The following GPX8 variants were observed in gnomAD, a reference collection of about 807,000 sequenced individuals.
GPX8 encodes the protein protein peroxidase GPX8.
A neutral mutation model predicts 17.8 loss-of-function variants in GPX8; 12 were observed. The ratio of observed to expected loss-of-function variants is 0.67; its 90% confidence interval spans 0.43 to 1.09. The LOEUF (loss-of-function observed/expected upper bound fraction) is 1.09. Among genes scored for constraint, GPX8 ranks in the 50% least tolerant of loss-of-function variants. GPX8 has a pLI of 0.00. For synonymous variants in GPX8, 86 were observed against 88.1 expected, an observed-to-expected ratio of 0.98 and a Z score of 0.14; for missense variants, 209 against 235.6, an observed-to-expected ratio of 0.89 and a Z score of 0.74.
intron 2 of GPX8, among the ~76,000 whole-genome samples, chr5:55,162,379 A>G (rs1220541265): frequency 6.6e-6 from 1 of 152,198 alleles, no homozygotes; most frequent in Non-Finnish European, 1.5e-5. Context: ...TGGGCGACAG[A>G]GCAAGCCTGC....
rs1234831653 is a variant in GPX8, at chr5:55,160,249, T to C, written c.57T>C (p.Phe19=). The C allele has an allele frequency of 6.2e-7, 1 of 1,614,110 alleles. No individual in the cohort carries two copies. The highest frequency in any genetic ancestry group is 8.5e-7 in the Non-Finnish European group (1 of 1,179,920). Reference sequence around the variant, plus strand: ...GTTCCGGGCCCAGAGCAAAGGTATTTGCAGTTTTGCTGTCTATAGTTCTAT... The same window carrying C: ...GTTCCGGGCCCAGAGCAAAGGTATTCGCAGTTTTGCTGTCTATAGTTCTAT... ...LKCSGPRAKV[F]AVLLSIVLCT... The change falls in exon 1 of 3, where the codon TTT becomes TTC. Residue 19 remains phenylalanine (F), a synonymous_variant. Transcript: ENST00000503787.
rs553421882 is a variant in GPX8 at position 55,166,333 on chromosome 5, G to C, written c.*2115G>C. 1 of 152,250 alleles carries C rather than the reference G, an allele frequency of 6.6e-6. No individual in the cohort carries two copies. The highest frequency in any genetic ancestry group is 2.4e-5 in the African/African-American group (1 of 41,464). The allele number at this position is 152,250 out of a possible 1,614,324, so 9.4% of individuals were successfully genotyped here. On this transcript the variant is annotated 3_prime_UTR_variant, in exon 3 of 3. Transcript: ENST00000503787. Reference sequence around the variant, plus strand: ...CTCTCTCCAAAGCCAGATAAAGTGGGTTTCTTCACTTACATCTCTCTAATC... The same window carrying C: ...CTCTCTCCAAAGCCAGATAAAGTGGCTTTCTTCACTTACATCTCTCTAATC...
Position 55,164,049 on chromosome 5 carries a change from T to C in GPX8, c.467-6T>C. On this transcript the variant is annotated splice_polypyrimidine_tract_variant and splice_region_variant and intron_variant, in intron 2 of 2. Transcript: ENST00000503787. Reference sequence around the variant, plus strand: ...TGCTCATGAAAATATGTTCTGGATATTTTAGATTCTTCAAAGAAGGAACCA... The same window carrying C: ...TGCTCATGAAAATATGTTCTGGATACTTTAGATTCTTCAAAGAAGGAACCA... The C allele has an allele frequency of 1.9e-6, 3 of 1,559,210 alleles. No homozygotes were observed. The highest frequency in any genetic ancestry group is 2.4e-5 in the South Asian group (2 of 83,578).
chr5:55,166,254 C>G lies in GPX8; in HGVS notation c.*2036C>G, dbSNP rs571149771. 6.6e-6 allele frequency: 1 copy of G among 152,400 alleles called. No individual in the cohort carries two copies. The highest frequency in any genetic ancestry group is 1.9e-4 in the East Asian group (1 of 5,180). The allele number at this position is 152,400 out of a possible 1,614,324, so 9.4% of individuals were successfully genotyped here. On this transcript the variant is annotated 3_prime_UTR_variant, in exon 3 of 3. Transcript: ENST00000503787. Reference sequence around the variant, plus strand: ...ATAATGGAGCTGCACTGGGAACAACCAGGACTGTCCCAGTCAACATGATAC... The same window carrying G: ...ATAATGGAGCTGCACTGGGAACAACGAGGACTGTCCCAGTCAACATGATAC...
intron 2 of GPX8, among the ~76,000 whole-genome samples, chr5:55,162,733 C>A (rs1230449398): frequency 6.6e-6 from 1 of 152,240 alleles, no homozygotes; most frequent in Non-Finnish European, 1.5e-5. Context: ...ACTAATCATT[C>A]TTCAGTTACA....
Position 55,164,043 on chromosome 5 carries a change from T to C in GPX8, c.467-12T>C, listed in dbSNP as rs1406183930. 1 of 1,544,976 alleles carries C rather than the reference T, an allele frequency of 6.5e-7. No homozygotes were observed. The highest frequency in any genetic ancestry group is 8.8e-7 in the Non-Finnish European group (1 of 1,137,902). On this transcript the variant is annotated splice_polypyrimidine_tract_variant and intron_variant, in intron 2 of 2. Coordinates refer to ENST00000503787, the MANE Select transcript of GPX8 (RefSeq NM_001008397.4). The stretch of plus-strand genomic sequence containing the variant: ...AAATTATGCTCATGAAAATATGTTC[T>C]GGATATTTTAGATTCTTCAAAGAAG...
Position 55,162,517 on chromosome 5 carries a change from A to G in GPX8, c.466+1262A>G, listed in dbSNP as rs901878765. Among the ~76,000 whole-genome samples the G allele has an allele frequency of 6.6e-5, 10 of 152,260 alleles. No homozygotes were observed. The East Asian group carries it at 1.7e-3, about 26-fold the overall frequency. ...ATCAAACTATTACCTCACTCAGGCA[A>G]TCAAGCTTCTAATCCAACAAACCAA... On this transcript the variant is annotated intron_variant, in intron 2 of 2. Coordinates refer to ENST00000503787, the MANE Select transcript of GPX8 (RefSeq NM_001008397.4).
chr5:55,160,370 G>A lies in GPX8; in HGVS notation c.178G>A (p.Val60Ile), dbSNP rs1474989214. Residue 60 changes from valine (V) to isoleucine (I), a missense_variant, in exon 1 of 3, where the codon GTT becomes ATT. Physicochemically the swap from Val to Ile is conservative, Grantham distance 29 (BLOSUM62 3). Coordinates refer to ENST00000503787, the MANE Select transcript of GPX8 (RefSeq NM_001008397.4). The stretch of plus-strand genomic sequence containing the variant: ...AGTGAAGGATGCAAAAGGAAGAACT[G>A]TTTCTCTGGAAAAGTATAAAGGCAA... ...FEVKDAKGRT[V>I]SLEKYKGKVS... 6.2e-7 allele frequency: 1 copy of A among 1,612,648 alleles called. No homozygotes were observed. Among genetic ancestry groups the A allele is most frequent in the Non-Finnish European group, 8.5e-7 (1 of 1,179,830 alleles).
At position 55,165,787 on chromosome 5, in the gene GPX8, CACTT is replaced by C. The variant is rs1744349757; in HGVS notation, c.*1571_*1574del. ...GCCAGCTGCGTGACTTTAGGCAAGT[CACTT>C]AAGTACCTTATTTCAGTTTCCTCAC... On this transcript the variant is annotated 3_prime_UTR_variant, in exon 3 of 3. Transcript: ENST00000503787. The C allele has an allele frequency of 6.6e-6, 1 of 152,210 alleles. No homozygotes were observed. Among genetic ancestry groups the C allele is most frequent in the African/African-American group, 2.4e-5 (1 of 41,458 alleles). 9.4% of individuals were successfully genotyped at this position (152,210 alleles called of 1,614,324 possible). A position where few individuals can be genotyped will look rare whatever the true frequency, so the allele number is the denominator to read the frequency against.
rs531513804 is a variant in GPX8, at chr5:55,166,211, C to G, written c.*1993C>G. 1 of 152,450 alleles carries G rather than the reference C, an allele frequency of 6.6e-6. No homozygotes were observed. The highest frequency in any genetic ancestry group is 1.5e-5 in the Non-Finnish European group (1 of 68,142). The allele number at this position is 152,450 out of a possible 1,614,324, so 9.4% of individuals were successfully genotyped here. On this transcript the variant is annotated 3_prime_UTR_variant, in exon 3 of 3. Transcript: ENST00000503787. Reference sequence around the variant, plus strand: ...AGCACCACATGGGCAGCAGAGACTCCCCACTGCCAGATGGATGATAATGGA... The same window carrying G: ...AGCACCACATGGGCAGCAGAGACTCGCCACTGCCAGATGGATGATAATGGA...
At position 55,164,221 on chromosome 5, in the gene GPX8, ATGCCAT is replaced by A; in HGVS notation, c.*7_*12del. The stretch of plus-strand genomic sequence containing the variant: ...TAAAAAAGAAAGAGGATCTATGAGA[ATGCCAT>A]TGCGTTTCTAATAGAACAGAGAAAT... On this transcript the variant is annotated 3_prime_UTR_variant, in exon 3 of 3. Coordinates refer to ENST00000503787, the MANE Select transcript of GPX8 (RefSeq NM_001008397.4). The A allele has an allele frequency of 6.5e-7, 1 of 1,527,194 alleles. No homozygotes were observed. Among genetic ancestry groups the A allele is most frequent in the African/African-American group, 1.4e-5 (1 of 72,312 alleles). The allele number at this position is 1,527,194 out of a possible 1,614,324, so 94.6% of individuals were successfully genotyped here. A position where few individuals can be genotyped will look rare whatever the true frequency, so the allele number is the denominator to read the frequency against.
chr5:55,161,095 C>CGT lies in GPX8; in HGVS notation c.309_310dup (p.Leu104CysfsTer20), dbSNP rs1561302976. The CGT allele has an allele frequency of 6.2e-7, 1 of 1,614,156 alleles. No homozygotes were observed. The highest frequency in any genetic ancestry group is 1.1e-5 in the South Asian group (1 of 91,076). On this transcript the variant is annotated frameshift_variant, in exon 2 of 3. Transcript: ENST00000503787. LOFTEE classifies it high-confidence loss of function. ...AAGAGTTTGGACCATCCCACTTCAG[C>CGT]GTGTTGGCTTTTCCCTGCAATCAGT...
Position 55,164,342 on chromosome 5 carries a change from T to A in GPX8, c.*124T>A. The A allele has an allele frequency of 2.6e-5, 14 of 540,322 alleles. No homozygotes were observed. The highest frequency in any genetic ancestry group is 3.8e-5 in the Non-Finnish European group (13 of 346,264). 33.5% of individuals were successfully genotyped at this position (540,322 alleles called of 1,614,324 possible). A position where few individuals can be genotyped will look rare whatever the true frequency, so the allele number is the denominator to read the frequency against. On this transcript the variant is annotated 3_prime_UTR_variant, in exon 3 of 3. Coordinates refer to ENST00000503787, the MANE Select transcript of GPX8 (RefSeq NM_001008397.4). Reference sequence around the variant, plus strand: ...ACCCAGGCTGGAGTGCAGTAGTGCGTTCTCAGCTCATTGCAACCTCTGCCT... The same window carrying A: ...ACCCAGGCTGGAGTGCAGTAGTGCGATCTCAGCTCATTGCAACCTCTGCCT...
At position 55,165,731 on chromosome 5, in the gene GPX8, G is replaced by A. The variant is rs1744346304; in HGVS notation, c.*1513G>A. ...AGGGATAGCCTCAAGAATGCCAGAT[G>A]AGTGTGTCAGAAAGCCTGCTCCTAC... On this transcript the variant is annotated 3_prime_UTR_variant, in exon 3 of 3. Coordinates refer to ENST00000503787, the MANE Select transcript of GPX8 (RefSeq NM_001008397.4). 1 of 152,250 alleles carries A rather than the reference G, an allele frequency of 6.6e-6. No individual in the cohort carries two copies. The highest frequency in any genetic ancestry group is 1.5e-5 in the Non-Finnish European group (1 of 68,044). The allele number at this position is 152,250 out of a possible 1,614,324, so 9.4% of individuals were successfully genotyped here.
In GPX8 at chr5:55,164,480, G is replaced by A; in HGVS notation, c.*262G>A. Reference sequence around the variant, plus strand: ...GGATGTTACCCAAAGCAAAAATCAAGAGTAGCCAAAGAATCAACATGAAAT... The same window carrying A: ...GGATGTTACCCAAAGCAAAAATCAAAAGTAGCCAAAGAATCAACATGAAAT... On this transcript the variant is annotated 3_prime_UTR_variant, in exon 3 of 3. Coordinates refer to ENST00000503787, the MANE Select transcript of GPX8 (RefSeq NM_001008397.4). 1 of 243,082 alleles carries A rather than the reference G, an allele frequency of 4.1e-6. No individual in the cohort carries two copies. Among genetic ancestry groups the A allele is most frequent in the Non-Finnish European group, 7.8e-6 (1 of 128,128 alleles). 15.1% of individuals were successfully genotyped at this position (243,082 alleles called of 1,614,324 possible).
Position 55,165,832 on chromosome 5 carries a change from G to C in GPX8, c.*1614G>C, listed in dbSNP as rs1744353943. The stretch of plus-strand genomic sequence containing the variant: ...GTTTCCTCACCTGTAAATTGAACAG[G>C]GGTTGAATGGAATAAAAAGCCCTTT... On this transcript the variant is annotated 3_prime_UTR_variant, in exon 3 of 3. Coordinates refer to ENST00000503787, the MANE Select transcript of GPX8 (RefSeq NM_001008397.4). 6.6e-6 allele frequency: 1 copy of C among 152,138 alleles called. No homozygotes were observed. Among genetic ancestry groups the C allele is most frequent in the African/African-American group, 2.4e-5 (1 of 41,424 alleles). The allele number at this position is 152,138 out of a possible 1,614,324, so 9.4% of individuals were successfully genotyped here. A position where few individuals can be genotyped will look rare whatever the true frequency, so the allele number is the denominator to read the frequency against.
Position 55,161,069 on chromosome 5 carries a change from A to C in GPX8, c.280A>C (p.Lys94Gln), listed in dbSNP as rs1193920775. Residue 94 changes from lysine to glutamine, a missense_variant, in exon 2 of 3, where the codon AAA (lysine) becomes CAA (glutamine). Transcript: ENST00000503787. ...TTACTTAGGGCTGAAGGAACTGCAC[A>C]AAGAGTTTGGACCATCCCACTTCAG... Reference protein sequence around the residue: ...RNYLGLKELHKEFGPSHFSVL... With the variant: ...RNYLGLKELHQEFGPSHFSVL... The C allele has an allele frequency of 1.2e-6, 2 of 1,614,184 alleles. No homozygotes were observed. The highest frequency in any genetic ancestry group is 1.7e-6 in the Non-Finnish European group (2 of 1,180,010).
In GPX8 at chr5:55,160,239, C is replaced by T. The variant is rs201473174; in HGVS notation, c.47C>T (p.Ala16Val). The change falls in exon 1 of 3, where the codon GCA becomes GTA. Residue 16 changes from alanine to valine, a missense_variant. Coordinates refer to ENST00000503787, the MANE Select transcript of GPX8 (RefSeq NM_001008397.4). Reference sequence around the variant, plus strand: ...CCGCTAAAATGTTCCGGGCCCAGAGCAAAGGTATTTGCAGTTTTGCTGTCT... The same window carrying T: ...CCGCTAAAATGTTCCGGGCCCAGAGTAAAGGTATTTGCAGTTTTGCTGTCT... Reference protein sequence around the residue: ...AYPLKCSGPRAKVFAVLLSIV... With the variant: ...AYPLKCSGPRVKVFAVLLSIV... 5.0e-6 allele frequency: 8 copies of T among 1,614,098 alleles called. No homozygotes were observed. The Admixed American group carries it at 8.3e-5, about 17-fold the overall frequency.
At chr5:55,161,928 A>G (rs13354729) in intron 2 of GPX8, among the ~76,000 whole-genome samples, 17,944 of 152,034 alleles carry the variant, frequency 0.12, 1,230 homozygotes, top group East Asian at 0.26. Flanking sequence ...TGTTTTTGCT[A>G]TGTGGCTTCT....
Sources: gnomAD v4.1 joint callset for allele counts (sites outside exome capture counted in the v4.1 genomes callset) on GRCh38, gnomAD v4.1.1 for gene constraint, MANE v1.5 for transcripts, NCBI Gene and HGNC (gene_info 2026-07-23, HGNC 2026-07-21) for gene names.